Variants in OOSP2 observed in about 807,000 individuals in gnomAD.
The protein encoded by OOSP2 is oocyte secreted protein 2.
A neutral mutation model predicts 13.4 loss-of-function variants in OOSP2; 7 were observed. That is an observed-to-expected ratio of 0.52 (90% CI 0.30 to 0.98). OOSP2 has a LOEUF of 0.98. Ranked by LOEUF, OOSP2 falls within the 50% of genes least tolerant of loss-of-function variation. The pLI, the probability that OOSP2 is intolerant of heterozygous loss-of-function variation, is 0.07. For missense variants in OOSP2, 184 were observed against 188.5 expected, an observed-to-expected ratio of 0.98 and a Z score of 0.14; for synonymous variants, 75 against 67.2, an observed-to-expected ratio of 1.12 and a Z score of -0.57.
intron 2 of OOSP2, 77 bp downstream of exon 2, chr11:60,043,724 A>T: frequency 2.5e-6 from 2 of 793,080 alleles, no homozygotes; most frequent in African/African-American, 1.7e-5. Context: ...ATTGTCTTTT[A>T]AAAAAATAAT....
At chr11:60,046,045 T>G (rs1855002863) in intron 3 of OOSP2, among the ~76,000 whole-genome samples, 1 of 150,368 alleles carries the variant, frequency 6.7e-6, no homozygotes, top group South Asian at 2.1e-4. Flanking sequence ...TCTGTCTGTC[T>G]GTCTCTCTGT....
chr11:60,046,658 T>C (rs1855011581), intron 3 of OOSP2: 5 of 523,342 alleles, frequency 9.6e-6, no homozygotes, highest in African/African-American at 5.7e-5. Context: ...GGTACATTGG[T>C]ACTCTTCTAA....
intron 1 of OOSP2, among the ~76,000 whole-genome samples, chr11:60,041,575 C>T (rs144916109): frequency 6.6e-6 from 1 of 152,192 alleles, no homozygotes; most frequent in East Asian, 1.9e-4. Flanking sequence ...TGGCTGGGCA[C>T]GGTGGCTGAT....
In OOSP2 at chr11:60,043,593, T is replaced by TA; in HGVS notation, c.190dup (p.Thr64AsnfsTer5). 6.2e-7 allele frequency: 1 copy of TA among 1,608,182 alleles called. No homozygotes were observed. ...TGGGCTGCCCTGCAAATCGGATACA[T>TA]ACATATGTATATGAGTTTATATATC... On this transcript the variant is annotated frameshift_variant, in exon 2 of 4. Coordinates refer to ENST00000278855, the MANE Select transcript of OOSP2 (RefSeq NM_173801.5). LOFTEE classifies it high-confidence loss of function.
Position 60,043,663 on chromosome 11 carries a change from G to T in OOSP2, c.243+16G>T. On this transcript the variant is annotated intron_variant, in intron 2 of 3. Transcript: ENST00000278855. ...CAGGACAAGGGTAAGAACAGTGATT[G>T]TTTGTAAAAAATACTGCATGTTTTG... The T allele has an allele frequency of 6.9e-7, 1 of 1,445,380 alleles. No homozygotes were observed. Among genetic ancestry groups the T allele is most frequent in the East Asian group, 2.3e-5 (1 of 43,244 alleles). 89.5% of individuals were successfully genotyped at this position (1,445,380 alleles called of 1,614,324 possible). A position where few individuals can be genotyped will look rare whatever the true frequency, so the allele number is the denominator to read the frequency against.
intron 1 of OOSP2, among the ~76,000 whole-genome samples, chr11:60,041,872 C>CAAAAAAAAAAAAAAAA (rs1390816690): frequency 7.1e-5 from 6 of 84,824 alleles, no homozygotes; most frequent in African/African-American, 2.1e-4. Context: ...AAAAAAAAAG[C>CAAAAAAAAAAAAAAAA]AAAACTCCGT....
chr11:60,040,632 T>G, intron 1 of OOSP2, 109 bp downstream of exon 1: 1 of 693,198 alleles, frequency 1.4e-6, no homozygotes, highest in East Asian at 2.5e-5. Context: ...TCTAACTGGC[T>G]AGAAGAAGAA....
chr11:60,047,079 A>C lies in OOSP2; in HGVS notation c.*6A>C. ...CTAGTCCAAACTTGCTCTGAGCTAA[A>C]GGAGAAATGGAAACTTGAAGCTGGT... is the stretch of plus-strand genomic sequence containing the variant. On this transcript the variant is annotated 3_prime_UTR_variant, in exon 4 of 4. Transcript: ENST00000278855. The C allele has an allele frequency of 2.5e-6, 4 of 1,591,776 alleles. No homozygotes were observed. The highest frequency in any genetic ancestry group is 3.4e-6 in the Non-Finnish European group (4 of 1,172,544).
Position 60,043,504 on chromosome 11 carries a change from TCA to T in OOSP2, c.101_102del (p.Ser34CysfsTer16). 1 of 1,613,566 alleles carries T rather than the reference TCA, an allele frequency of 6.2e-7. No individual in the cohort carries two copies. Among genetic ancestry groups the T allele is most frequent in the Non-Finnish European group, 8.5e-7 (1 of 1,179,496 alleles). On this transcript the variant is annotated frameshift_variant, in exon 2 of 4. Transcript: ENST00000278855. LOFTEE classifies it high-confidence loss of function. ...TTGCTCTCTGGACTGGTTGATGGTC[TCA>T]GTTATCCCAGTTGCAGAAAGCAGAA... is the stretch of plus-strand genomic sequence containing the variant. ...ISCSLDWLMV[S>X]VIPVAESRNL...
At chr11:60,046,282 A>G (rs1028164470) in intron 3 of OOSP2, among the ~76,000 whole-genome samples, 2 of 151,854 alleles carry the variant, frequency 1.3e-5, no homozygotes, top group African/African-American at 2.4e-5. Context: ...ACACACATAC[A>G]TATGTTTTCA....
chr11:60,041,986 CCTGTA>C (rs1854937938), intron 1 of OOSP2, among the ~76,000 whole-genome samples: 2 of 148,410 alleles, frequency 1.3e-5, no homozygotes, highest in Admixed American at 6.8e-5. Flanking sequence ...ATGGCGGGTG[CCTGTA>C]GCCTGTAGTC....
At chr11:60,043,195 C>T (rs1305694389) in intron 1 of OOSP2, among the ~76,000 whole-genome samples, 3 of 152,314 alleles carry the variant, frequency 2.0e-5, no homozygotes, top group East Asian at 1.9e-4. Context: ...TCAGCCACTG[C>T]GCCCGGCCCA....
At chr11:60,042,112 C>A (rs1418535772) in intron 1 of OOSP2, among the ~76,000 whole-genome samples, 1 of 152,156 alleles carries the variant, frequency 6.6e-6, no homozygotes, top group African/African-American at 2.4e-5. Context: ...GAGCGAGACT[C>A]CGTCTCAAAA....
chr11:60,046,869 A>C (rs1355380903), intron 3 of OOSP2, 75 bp from the exon 4 acceptor site: 3 of 1,149,760 alleles, frequency 2.6e-6, no homozygotes, highest in Non-Finnish European at 3.9e-6. Flanking sequence ...TATGATCATG[A>C]TATTAAACAG....
At chr11:60,042,990 C>T (rs990499597) in intron 1 of OOSP2, among the ~76,000 whole-genome samples, 19 of 152,098 alleles carry the variant, frequency 1.2e-4, no homozygotes, top group South Asian at 6.2e-4. Context: ...CTGCAAGCCC[C>T]GCCTCCTGGG....
At chr11:60,043,857 G>T in intron 2 of OOSP2, 1 of 377,448 alleles carries the variant, frequency 2.6e-6, no homozygotes, top group Non-Finnish European at 4.8e-6. Flanking sequence ...AATTGGCTAG[G>T]GAACTGATTC....
intron 1 of OOSP2, among the ~76,000 whole-genome samples, chr11:60,040,963 C>G (rs549798855): frequency 2.6e-5 from 4 of 152,308 alleles, no homozygotes; most frequent in East Asian, 3.9e-4. Context: ...CTTAAAAAGA[C>G]TGCTCTGAAC....
chr11:60,043,340 A>T, intron 1 of OOSP2, 129 bp from the exon 2 acceptor site: 1 of 519,916 alleles, frequency 1.9e-6, no homozygotes. Flanking sequence ...GAAAACCTTT[A>T]AGCCATGGTT....
Position 60,046,849 on chromosome 11 carries a change from C to G in OOSP2, c.348-95C>G, listed in dbSNP as rs1054952437. 5.0e-6 allele frequency: 5 copies of G among 997,514 alleles called. No individual in the cohort carries two copies. The African/African-American group carries it at 7.9e-5, about 16-fold the overall frequency. 61.8% of individuals were successfully genotyped at this position (997,514 alleles called of 1,614,324 possible). On this transcript the variant is annotated intron_variant, in intron 3 of 3. Transcript: ENST00000278855. ...GGCTCTATGCCATACTCCTGAATGA[C>G]TATTCTGTATATGATCATGATATTA...
Sources: allele counts gnomAD v4.1 joint callset (sites outside exome capture counted in the v4.1 genomes callset), GRCh38; gene constraint gnomAD v4.1.1; transcripts MANE v1.5; gene names NCBI Gene and HGNC (gene_info 2026-07-23, HGNC 2026-07-21).